Variants in PCDH15 observed in about 807,000 individuals in gnomAD.
PCDH15 encodes protocadherin-15.
PCDH15 carries 129 observed loss-of-function variants against 178.5 expected under a neutral mutation model. The ratio of observed to expected loss-of-function variants is 0.72; its 90% CI spans 0.63 to 0.84. PCDH15 has a LOEUF of 0.84. PCDH15 is among the 40% of genes least tolerant of loss of function. The pLI is 0.00. For synonymous variants in PCDH15, 800 were observed against 732.0 expected (o/e 1.09, Z -1.50); for missense variants, 2,230 against 2,099.9 (o/e 1.06, Z -1.21).
chr10:54,882,863 T>C (rs1054932182), intron 3 of PCDH15, among the ~76,000 whole-genome samples: 1 of 152,080 alleles, frequency 6.6e-6, no homozygotes, highest in African/African-American at 2.4e-5. Flanking sequence ...TGAATTAGTA[T>C]GATGTACTGT....
intron 1 of PCDH15, among the ~76,000 whole-genome samples, chr10:54,789,755 T>C (rs1220271240): frequency 6.6e-6 from 1 of 151,938 alleles, no homozygotes; most frequent in Non-Finnish European, 1.5e-5. Flanking sequence ...TGCTTATTTG[T>C]TTTCTTCCAC....
intron 23 of PCDH15, among the ~76,000 whole-genome samples, chr10:53,956,318 T>G (rs941151381): frequency 5.9e-5 from 9 of 152,110 alleles, no homozygotes; most frequent in African/African-American, 2.2e-4. Context: ...GAAAAAGGAT[T>G]TAGGAGGCAT....
At chr10:54,661,617 G>A in intron 2 of PCDH15, among the ~76,000 whole-genome samples, 1 of 151,784 alleles carries the variant, frequency 6.6e-6, no homozygotes, top group Non-Finnish European at 1.5e-5. Context: ...GAAGAAAGAT[G>A]AAGTTGGGGG....
At chr10:54,952,180 C>T (rs1838362195) in intron 2 of PCDH15, among the ~76,000 whole-genome samples, 1 of 151,798 alleles carries the variant, frequency 6.6e-6, no homozygotes, top group African/African-American at 2.4e-5. Context: ...CCATTTTGAA[C>T]TAATTTTCAT....
chr10:55,548,220 A>ACG (rs1841933153), intron 2 of PCDH15, among the ~76,000 whole-genome samples: 1 of 141,320 alleles, frequency 7.1e-6, no homozygotes, highest in African/African-American at 3.0e-5. Flanking sequence ...GCACACACAC[A>ACG]CACACACACA....
intron 2 of PCDH15, among the ~76,000 whole-genome samples, chr10:54,651,777 C>T (rs1210248942): frequency 1.3e-5 from 2 of 152,174 alleles, no homozygotes; most frequent in Admixed American, 1.3e-4. Flanking sequence ...ATACGTCATA[C>T]TTACTTATAT....
intron 3 of PCDH15, among the ~76,000 whole-genome samples, chr10:54,386,586 C>T (rs576933457): frequency 9.9e-5 from 15 of 152,164 alleles, no homozygotes; most frequent in African/African-American, 3.6e-4. Flanking sequence ...CATTGTTATG[C>T]AGAATATATA....
At chr10:55,606,638 C>A (rs1254268787) in intron 2 of PCDH15, among the ~76,000 whole-genome samples, 1 of 147,948 alleles carries the variant, frequency 6.8e-6, no homozygotes, top group East Asian at 2.0e-4. Context: ...GAAAAACAAG[C>A]AATGGGGAAA....
At chr10:54,827,811 G>T (rs1398860590) in intron 3 of PCDH15, among the ~76,000 whole-genome samples, 2 of 152,012 alleles carry the variant, frequency 1.3e-5, no homozygotes, top group African/African-American at 4.8e-5. Flanking sequence ...CAATGTATAA[G>T]AAAGCAAATT....
intron 1 of PCDH15, among the ~76,000 whole-genome samples, chr10:54,716,683 C>T (rs2095483509): frequency 6.6e-6 from 1 of 151,870 alleles, no homozygotes; most frequent in Non-Finnish European, 1.5e-5. Context: ...GGCCATACCA[C>T]CCAAGGTAAA....
At chr10:54,058,018 C>G (rs1353995787) in intron 18 of PCDH15, among the ~76,000 whole-genome samples, 3 of 152,198 alleles carry the variant, frequency 2.0e-5, no homozygotes, top group Non-Finnish European at 4.4e-5. Context: ...ATATCACTAT[C>G]AGCATTTTGG....
At chr10:55,614,041 G>T (rs1046711331) in intron 2 of PCDH15, among the ~76,000 whole-genome samples, 3 of 151,768 alleles carry the variant, frequency 2.0e-5, no homozygotes, top group African/African-American at 7.3e-5. Context: ...TTGAACCGGG[G>T]AGACGGAGCT....
At chr10:55,316,259 A>T (rs1028794101) in intron 1 of PCDH15, among the ~76,000 whole-genome samples, 15 of 152,166 alleles carry the variant, frequency 9.9e-5, no homozygotes, top group Non-Finnish European at 8.8e-5. Context: ...CTCAGTGATT[A>T]CCTGTCAGGG....
intron 21 of PCDH15, among the ~76,000 whole-genome samples, chr10:53,977,582 T>C (rs990551872): frequency 6.6e-6 from 1 of 152,174 alleles, no homozygotes; most frequent in African/African-American, 2.4e-5. Flanking sequence ...AACCACATCA[T>C]TCCACCCTGG....
chr10:54,982,964 T>C (rs898759579), intron 2 of PCDH15, among the ~76,000 whole-genome samples: 3 of 152,084 alleles, frequency 2.0e-5, no homozygotes, highest in Non-Finnish European at 2.9e-5. Flanking sequence ...CTTGAGTAAT[T>C]TGACCCCCCA....
At chr10:55,266,682 T>C (rs1842305372) in intron 1 of PCDH15, among the ~76,000 whole-genome samples, 1 of 152,012 alleles carries the variant, frequency 6.6e-6, no homozygotes, top group Admixed American at 6.5e-5. Flanking sequence ...TGGTTGAACA[T>C]CAAGAGGAAC....
intron 2 of PCDH15, among the ~76,000 whole-genome samples, chr10:55,045,180 TTGAC>T (rs1304077815): frequency 6.6e-6 from 1 of 152,120 alleles, no homozygotes; most frequent in Non-Finnish European, 1.5e-5. Context: ...CTTCTCCATT[TTGAC>T]TGTATTTCAA....
At chr10:53,900,806 G>T (rs546194634) in intron 26 of PCDH15, among the ~76,000 whole-genome samples, 3 of 152,250 alleles carry the variant, frequency 2.0e-5, no homozygotes, top group Non-Finnish European at 4.4e-5. Flanking sequence ...CAATTCCTCT[G>T]AAGTAAATCC....
chr10:54,566,861 C>A (rs901514356), intron 2 of PCDH15, among the ~76,000 whole-genome samples: 1 of 151,990 alleles, frequency 6.6e-6, no homozygotes, highest in Admixed American at 6.6e-5. Context: ...GGAGAATGAC[C>A]GCTGGATTTT....
Sources: gnomAD v4.1 joint callset for allele counts (sites outside exome capture counted in the v4.1 genomes callset) on GRCh38, gnomAD v4.1.1 for gene constraint, MANE v1.5 for transcripts, NCBI Gene and HGNC (gene_info 2026-07-23, HGNC 2026-07-21) for gene names.